The following NXN variants were observed in gnomAD, a reference collection of about 807,000 sequenced individuals.
NXN encodes the protein nucleoredoxin, also known as nucleoredoxin 1.
In NXN, 16 loss-of-function variants were observed where a neutral mutation model predicts 48.6. The ratio of observed to expected loss-of-function variants is 0.33; its 90% confidence interval spans 0.22 to 0.50. The LOEUF (loss-of-function observed/expected upper bound fraction) is 0.50. Ranked by LOEUF, NXN falls within the 20% of genes least tolerant of loss-of-function variation. The pLI is 0.98. For missense variants in NXN, 492 were observed against 605.5 expected (o/e 0.81, Z 1.97); for synonymous variants, 281 against 269.6 (o/e 1.04, Z -0.41).
chr17:859,647 G>A (rs1010680447), intron 1 of NXN, among the ~76,000 whole-genome samples: 2 of 152,092 alleles, frequency 1.3e-5, no homozygotes, highest in African/African-American at 2.4e-5. Flanking sequence ...GCTCTGTCAC[G>A]ACCTGTTTCA....
At chr17:869,180 G>C (rs1441157249) in intron 1 of NXN, among the ~76,000 whole-genome samples, 1 of 152,140 alleles carries the variant, frequency 6.6e-6, no homozygotes, top group African/African-American at 2.4e-5. Flanking sequence ...CCTCCTGTTT[G>C]TTAACTTCCC....
chr17:938,638 T>C (rs113222168), intron 1 of NXN, among the ~76,000 whole-genome samples: 20 of 151,930 alleles, frequency 1.3e-4, no homozygotes, highest in African/African-American at 4.8e-4. Flanking sequence ...GAGCCGAGAT[T>C]GCGCCACTGC....
chr17:954,044 G>GCA (rs2069140857), intron 1 of NXN, among the ~76,000 whole-genome samples: 1 of 152,206 alleles, frequency 6.6e-6, no homozygotes, highest in African/African-American at 2.4e-5. Flanking sequence ...GTACTTGAAA[G>GCA]CACACCAAGA....
rs11871962 is a variant in NXN, at chr17:917,652, C to G, written c.360+61667G>C. ...GTGGCTCAGACGCACGTCACCATCT[C>G]AACCCAATGTAGGCCACCCGCTGCA... On this transcript the variant is annotated intron_variant, in intron 1 of 7. Transcript: ENST00000336868. The surrounding 1 kb of genome is among the most constrained non-coding windows in gnomAD (Gnocchi z 4.5). Among the ~76,000 whole-genome samples the G allele has an allele frequency of 2.0e-5, 3 of 152,234 alleles. No homozygotes were observed. The highest frequency in any genetic ancestry group is 4.4e-5 in the Non-Finnish European group (3 of 68,038).
rs1310033751 is a variant in NXN at position 979,338 on chromosome 17, T to A, written c.341A>T (p.Tyr114Phe). The A allele has an allele frequency of 2.6e-6, 4 of 1,509,970 alleles. No individual in the cohort carries two copies. The highest frequency in any genetic ancestry group is 1.8e-6 in the Non-Finnish European group (2 of 1,132,978). The allele number at this position is 1,509,970 out of a possible 1,614,324, so 93.5% of individuals were successfully genotyped here. ...VRDMPWLALPYKEKHRKLKLW... is the reference protein window; with the variant it reads ...VRDMPWLALPFKEKHRKLKLW... ...GCTCACCTTCCTGTGCTTCTCCTTG[T>A]AGGGCAGCGCCAGCCACGGCATGTC... The change falls in exon 1 of 8, where the codon TAC becomes TTC. Residue 114 changes from tyrosine (Y) to phenylalanine (F), a missense_variant. This residue lies in a region of NXN where 186 missense variants were observed against 199.1 expected (regional missense o/e 0.93). Coordinates refer to ENST00000336868, the MANE Select transcript of NXN (RefSeq NM_022463.5).
At chr17:934,663 C>A (rs145260181) in intron 1 of NXN, among the ~76,000 whole-genome samples, 1,869 of 151,968 alleles carry the variant, frequency 0.012, 32 homozygotes, top group African/African-American at 0.043. Flanking sequence ...CACCTGAGGT[C>A]AGGAGTTCGG....
intron 1 of NXN, among the ~76,000 whole-genome samples, chr17:850,570 C>A (rs2067912949): frequency 6.6e-6 from 1 of 152,186 alleles, no homozygotes; most frequent in South Asian, 2.1e-4. Context: ...GAAGGTTTTG[C>A]AAGCTCACTG....
chr17:848,147 T>C (rs1003299051), intron 1 of NXN, among the ~76,000 whole-genome samples: 1 of 150,558 alleles, frequency 6.6e-6, no homozygotes, highest in African/African-American at 2.5e-5. Flanking sequence ...CCTGTTTTGT[T>C]TTTTTTTTGA....
At position 932,721 on chromosome 17, in the gene NXN, T is replaced by G. The variant is rs1183526323; in HGVS notation, c.360+46598A>C. On this transcript the variant is annotated intron_variant, in intron 1 of 7. Coordinates refer to ENST00000336868, the MANE Select transcript of NXN (RefSeq NM_022463.5). The surrounding 1 kb of genome is among the most constrained non-coding windows in gnomAD (Gnocchi z 4.1). ...CCATCAGTGGGCAGCGAGTGGGCTG[T>G]GTGGTCCCCGGACAAGCAGCTGAGT... 6.6e-6 allele frequency among the ~76,000 whole-genome samples: 1 copy of G among 152,192 alleles called. No homozygotes were observed. Among genetic ancestry groups the G allele is most frequent in the Non-Finnish European group, 1.5e-5 (1 of 68,032 alleles).
intron 1 of NXN, among the ~76,000 whole-genome samples, chr17:870,824 C>G (rs2068143735): frequency 6.6e-6 from 1 of 151,242 alleles, no homozygotes; most frequent in Non-Finnish European, 1.5e-5. Context: ...TTTGGAATCT[C>G]TCACACTTCT....
At chr17:962,740 G>A (rs1019695450) in intron 1 of NXN, among the ~76,000 whole-genome samples, 6 of 152,140 alleles carry the variant, frequency 3.9e-5, no homozygotes, top group South Asian at 2.1e-4. Context: ...TGCCCGGCAC[G>A]GAGAAGGCTT....
chr17:884,321 C>T (rs1278322599), intron 1 of NXN, among the ~76,000 whole-genome samples: 2 of 152,078 alleles, frequency 1.3e-5, no homozygotes, highest in Non-Finnish European at 2.9e-5. Context: ...GGGAGGATCC[C>T]TTGAACCCAG....
chr17:872,770 G>C (rs184653896), intron 1 of NXN, among the ~76,000 whole-genome samples: 1 of 151,980 alleles, frequency 6.6e-6, no homozygotes, highest in East Asian at 1.9e-4. Flanking sequence ...ACAGGCGCCT[G>C]CCACCACGTC....
At position 828,403 on chromosome 17, in the gene NXN, C is replaced by CTTT. The variant is rs745596555; in HGVS notation, c.361-2328_361-2326dup. The stretch of plus-strand genomic sequence containing the variant: ...ACAGGTGTGAGCCACCGTGCCTGGC[C>CTTT]TTTTTTTTTTTTTTTTTTAATGGAG... On this transcript the variant is annotated intron_variant, in intron 1 of 7. Transcript: ENST00000336868. 3.6e-3 allele frequency among the ~76,000 whole-genome samples: 320 copies of CTTT among 88,868 alleles called. 4 individuals are homozygous for CTTT. Among genetic ancestry groups the CTTT allele is most frequent in the African/African-American group, 0.016 (298 of 19,168 alleles). The allele number at this position is 88,868 out of a possible 152,430, so 58.3% of individuals were successfully genotyped here.
At chr17:829,842 G>A (rs1913357188) in intron 1 of NXN, among the ~76,000 whole-genome samples, 1 of 152,098 alleles carries the variant, frequency 6.6e-6, no homozygotes, top group Admixed American at 6.6e-5. Context: ...TGGTGTATAT[G>A]TGCCACATTT....
At chr17:877,486 C>T (rs1461786255) in intron 1 of NXN, among the ~76,000 whole-genome samples, 6 of 152,182 alleles carry the variant, frequency 3.9e-5, no homozygotes, top group Non-Finnish European at 8.8e-5. Context: ...CCAGCCACTA[C>T]TGGATTCCTT....
chr17:801,142 C>T lies in NXN; in HGVS notation c.1126-11G>A. 1 of 1,511,094 alleles carries T rather than the reference C, an allele frequency of 6.6e-7. No homozygotes were observed. The highest frequency in any genetic ancestry group is 1.3e-5 in the South Asian group (1 of 76,866). The allele number at this position is 1,511,094 out of a possible 1,614,324, so 93.6% of individuals were successfully genotyped here. A position where few individuals can be genotyped will look rare whatever the true frequency, so the allele number is the denominator to read the frequency against. ...GTCAGTCATGTCATCCTGAAGCCGT[C>T]AGGAGGGAGAGAAAACCAAGAAGTT... On this transcript the variant is annotated splice_polypyrimidine_tract_variant and intron_variant, in intron 7 of 7. Coordinates refer to ENST00000336868, the MANE Select transcript of NXN (RefSeq NM_022463.5).
At chr17:801,956 T>C (rs1356393466) in intron 7 of NXN, among the ~76,000 whole-genome samples, 3 of 152,208 alleles carry the variant, frequency 2.0e-5, no homozygotes, top group East Asian at 1.9e-4. Flanking sequence ...GCTTAAGCAC[T>C]GTGGAAGCTT....
intron 1 of NXN, among the ~76,000 whole-genome samples, chr17:846,073 C>A (rs2067857263): frequency 6.6e-6 from 1 of 151,472 alleles, no homozygotes; most frequent in African/African-American, 2.4e-5. Context: ...CAGAGCGAGA[C>A]TGCATCTCAT....
Sources: gnomAD v4.1 joint callset for allele counts (sites outside exome capture counted in the v4.1 genomes callset) on GRCh38, gnomAD v4.1.1 for gene constraint, gnomAD v4.1.1 regional missense constraint, Gnocchi (gnomAD v3.1) non-coding constraint, MANE v1.5 for transcripts, NCBI Gene and HGNC (gene_info 2026-07-23, HGNC 2026-07-21) for gene names.